Variants in AEN observed in about 807,000 individuals in gnomAD.
The protein encoded by AEN is apoptosis-enhancing nuclease.
In AEN, 21 loss-of-function variants were observed where a neutral mutation model predicts 17.7. That is an observed-to-expected ratio of 1.19 (90% confidence interval 0.84 to 1.71). AEN has a LOEUF of 1.71. AEN is among the 40% of genes most tolerant of loss of function. The pLI, the probability that AEN is intolerant of heterozygous loss-of-function variation, is 0.00. For missense variants in AEN, 462 were observed against 435.9 expected (o/e 1.06, Z -0.53); for synonymous variants, 190 against 173.0 (o/e 1.10, Z -0.77).
chr15:88,611,276 T>C, the AEN span, among the ~76,000 whole-genome samples: 1 of 151,902 alleles, frequency 6.6e-6, no homozygotes, highest in African/African-American at 2.4e-5. Context: ...TGCTTCTCTT[T>C]AAAAATAATT....
the AEN span, among the ~76,000 whole-genome samples, chr15:88,606,201 C>G: frequency 6.6e-6 from 1 of 152,152 alleles, no homozygotes. Flanking sequence ...CCTGCGCTCC[C>G]CCGTGCTCCC....
chr15:88,631,199 T>C lies in AEN; in HGVS notation c.*905T>C, dbSNP rs1436898871. On this transcript the variant is annotated 3_prime_UTR_variant, in exon 4 of 4. Coordinates refer to ENST00000332810, the MANE Select transcript of AEN (RefSeq NM_022767.4). ...TAGGATTGTGCCTGACCTTTATTTA[T>C]TTATTAACAGCAGGGCCACTCGTCT... 4.4e-6 allele frequency: 2 copies of C among 456,460 alleles called. No individual in the cohort carries two copies. Among genetic ancestry groups the C allele is most frequent in the South Asian group, 3.1e-5 (2 of 64,566 alleles). 28.3% of individuals were successfully genotyped at this position (456,460 alleles called of 1,614,324 possible). A position where few individuals can be genotyped will look rare whatever the true frequency, so the allele number is the denominator to read the frequency against.
rs750047548 is a variant in AEN, at chr15:88,630,095, C to T, written c.779C>T (p.Thr260Met). The change falls in exon 4 of 4, where the codon ACG becomes ATG. Residue 260 changes from threonine to methionine, a missense_variant. Physicochemically the swap from Thr to Met is moderately conservative, Grantham distance 81. Transcript: ENST00000332810. The surrounding 1 kb of genome is among the most constrained non-coding windows in gnomAD (Gnocchi z 5.1). Reference sequence around the variant, plus strand: ...GGGCACTCATCAGTAGAAGATGCCACGACAGCCATGGAGCTCTACCGGCTG... The same window carrying T: ...GGGCACTCATCAGTAGAAGATGCCATGACAGCCATGGAGCTCTACCGGCTG... ...QHGHSSVEDA[T>M]TAMELYRLVE... The T allele has an allele frequency of 5.0e-6, 8 of 1,614,046 alleles. No homozygotes were observed. Among genetic ancestry groups the T allele is most frequent in the South Asian group, 2.2e-5 (2 of 91,080 alleles).
chr15:88,623,121 C>A (rs542000648), intron 1 of AEN, among the ~76,000 whole-genome samples: 74 of 152,312 alleles, frequency 4.9e-4, no homozygotes, highest in African/African-American at 1.6e-3. Flanking sequence ...CATTGGGCTT[C>A]TTAGGCTTTT....
the AEN span, among the ~76,000 whole-genome samples, chr15:88,606,832 TC>T: frequency 2.0e-5 from 3 of 152,118 alleles, no homozygotes; most frequent in Admixed American, 6.6e-5. Context: ...ACTACAGTCA[TC>T]CCCTCCCCCC....
At chr15:88,614,968 A>T in the AEN span, among the ~76,000 whole-genome samples, 1 of 152,080 alleles carries the variant, frequency 6.6e-6, no homozygotes, top group African/African-American at 2.4e-5. Context: ...GGTTCACGCC[A>T]TTCTACCGCC....
At chr15:88,617,890 G>A (rs1301780591), upstream of AEN, among the ~76,000 whole-genome samples, 1 of 152,034 alleles carries the variant, frequency 6.6e-6, no homozygotes, top group Non-Finnish European at 1.5e-5. Context: ...CCTTCCCCAA[G>A]GCCTCTGAAT....
Position 88,630,429 on chromosome 15 carries a change from G to A in AEN, c.*135G>A, listed in dbSNP as rs752107672. On this transcript the variant is annotated 3_prime_UTR_variant, in exon 4 of 4. Coordinates refer to ENST00000332810, the MANE Select transcript of AEN (RefSeq NM_022767.4). The surrounding 1 kb of genome is among the most constrained non-coding windows in gnomAD (Gnocchi z 5.1). Reference sequence around the variant, plus strand: ...CCAGCCCCAGGGCCAGAGGAGTAGGGGTCATCTGTTACCTTGACACCCTCT... The same window carrying A: ...CCAGCCCCAGGGCCAGAGGAGTAGGAGTCATCTGTTACCTTGACACCCTCT... 2 of 735,326 alleles carry A rather than the reference G, an allele frequency of 2.7e-6. No homozygotes were observed. Among genetic ancestry groups the A allele is most frequent in the South Asian group, 3.6e-5 (2 of 55,638 alleles). 45.6% of individuals were successfully genotyped at this position (735,326 alleles called of 1,614,324 possible).
In AEN at chr15:88,630,297, A is replaced by C. The variant is rs764732027; in HGVS notation, c.*3A>C. ...AGGCACAGGACAGAAGGAATTGAGAAGGGGGCGGGGCTCCCTGGCTGGGCT... is the reference window on the plus strand; with the variant it reads ...AGGCACAGGACAGAAGGAATTGAGACGGGGGCGGGGCTCCCTGGCTGGGCT... On this transcript the variant is annotated 3_prime_UTR_variant, in exon 4 of 4. Coordinates refer to ENST00000332810, the MANE Select transcript of AEN (RefSeq NM_022767.4). This position sits in a 1 kb window ranked among gnomAD's most constrained non-coding sequence, Gnocchi z 5.1. 6.4e-7 allele frequency: 1 copy of C among 1,571,546 alleles called. No homozygotes were observed. The highest frequency in any genetic ancestry group is 1.3e-5 in the African/African-American group (1 of 74,164).
chr15:88,608,710 A>G, the AEN span, among the ~76,000 whole-genome samples: 1 of 152,102 alleles, frequency 6.6e-6, no homozygotes, highest in Non-Finnish European at 1.5e-5. Context: ...CTGTTTTTCC[A>G]CTTTCATTCT....
the AEN span, among the ~76,000 whole-genome samples, chr15:88,613,592 G>C: frequency 6.6e-6 from 1 of 151,638 alleles, no homozygotes; most frequent in Non-Finnish European, 1.5e-5. Flanking sequence ...ATCTCGGGGG[G>C]GGATGTGGGG....
At chr15:88,627,452 C>G (rs1355501418) in intron 2 of AEN, 1 of 132,234 alleles carries the variant, frequency 7.6e-6, no homozygotes, top group Non-Finnish European at 1.6e-5. Flanking sequence ...TTTTACGCAT[C>G]TTGTTTCTTT....
chr15:88,620,347 T>TGTGAACTGTTTATTAC (rs2057772164), upstream of AEN, among the ~76,000 whole-genome samples: 1 of 152,144 alleles, frequency 6.6e-6, no homozygotes, highest in Non-Finnish European at 1.5e-5. Context: ...GCTCACATAA[T>TGTGAACTGTTTATTAC]ACGTGTGAAC....
At chr15:88,605,586 G>T in the AEN span, among the ~76,000 whole-genome samples, 1 of 152,206 alleles carries the variant, frequency 6.6e-6, no homozygotes, top group South Asian at 2.1e-4. The surrounding 1 kb of genome is among the most constrained non-coding windows in gnomAD (Gnocchi z 7.6). Flanking sequence ...CACCGCAATT[G>T]CAGCAAATAA....
In AEN at chr15:88,632,158, GC is replaced by G. The variant is rs1372815657; in HGVS notation, c.*1865del. The G allele has an allele frequency of 2.0e-5, 3 of 152,242 alleles. No homozygotes were observed. The highest frequency in any genetic ancestry group is 4.4e-5 in the Non-Finnish European group (3 of 68,048). 9.4% of individuals were successfully genotyped at this position (152,242 alleles called of 1,614,324 possible). On this transcript the variant is annotated 3_prime_UTR_variant, in exon 4 of 4. Coordinates refer to ENST00000332810, the MANE Select transcript of AEN (RefSeq NM_022767.4). ...TGATGTCAAACTCAATTGAGCAGTA[GC>G]TTTGATCCCTTGGTCTGGGGGTCGA...
chr15:88,626,669 G>A lies in AEN; in HGVS notation c.460G>A (p.Ala154Thr), dbSNP rs763870640. The A allele has an allele frequency of 5.9e-5, 95 of 1,613,760 alleles. No individual in the cohort carries two copies. The highest frequency in any genetic ancestry group is 7.1e-5 in the Non-Finnish European group (84 of 1,180,054). Reference sequence around the variant, plus strand: ...GTACATCAGGCCTGAGATGCCCATCGCTGACTACCGTACCCGCTGGAGTGG... The same window carrying A: ...GTACATCAGGCCTGAGATGCCCATCACTGACTACCGTACCCGCTGGAGTGG... ...DKYIRPEMPI[A>T]DYRTRWSGIT... Residue 154 changes from alanine to threonine, a missense_variant, in exon 2 of 4, where the codon GCT (alanine) becomes ACT (threonine). Transcript: ENST00000332810.
At chr15:88,606,904 G>A in the AEN span, among the ~76,000 whole-genome samples, 1 of 151,484 alleles carries the variant, frequency 6.6e-6, no homozygotes, top group Non-Finnish European at 1.5e-5. Context: ...TTTTCATTTA[G>A]TCCTTTATAC....
the AEN span, among the ~76,000 whole-genome samples, chr15:88,614,389 C>T: frequency 6.6e-6 from 1 of 152,006 alleles, no homozygotes. Flanking sequence ...TTTGTAGAGA[C>T]GGAGTCTCCC....
At chr15:88,628,621 G>C (rs946691717) in intron 2 of AEN, 4 of 152,140 alleles carry the variant, frequency 2.6e-5, no homozygotes, top group African/African-American at 9.7e-5. Context: ...CTGCTATGGT[G>C]TGTCTACCAG....
Sources: gnomAD v4.1 joint callset for allele counts (sites outside exome capture counted in the v4.1 genomes callset) on GRCh38, gnomAD v4.1.1 for gene constraint, Gnocchi (gnomAD v3.1) non-coding constraint, MANE v1.5 for transcripts, NCBI Gene and HGNC (gene_info 2026-07-23, HGNC 2026-07-21) for gene names.